Variants in TENM1 observed in about 807,000 individuals in gnomAD.
The protein encoded by TENM1 is teneurin transmembrane protein 1, also known as teneurin-1.
In TENM1, 35 loss-of-function variants were observed where a neutral mutation model predicts 174.8. The observed-to-expected ratio is 0.20, with a 90% confidence interval of 0.15 to 0.27. The LOEUF (loss-of-function observed/expected upper bound fraction) is 0.27. TENM1 is among the 10% of genes least tolerant of loss of function. The pLI is 1.00. For synonymous variants in TENM1, 781 were observed against 798.7 expected (o/e 0.98, Z 0.37); for missense variants, 1,633 against 2,130.1 (o/e 0.77, Z 4.59).
At chrX:125,057,441 AG>A in the TENM1 span, among the ~76,000 whole-genome samples, 1 of 111,527 alleles carries the variant, frequency 9.0e-6, no homozygotes, top group African/African-American at 3.3e-5. Context: ...ATATGAAAAT[AG>A]AAATGAGTGA....
chrX:124,841,466 C>A (rs2056498385), intron 3 of TENM1, among the ~76,000 whole-genome samples: 1 of 110,925 alleles, frequency 9.0e-6, no homozygotes, highest in African/African-American at 3.3e-5. Flanking sequence ...AAAAAGTGGA[C>A]AAAACAAGGC....
At chrX:125,046,891 G>A in the TENM1 span, among the ~76,000 whole-genome samples, 1 of 106,587 alleles carries the variant, frequency 9.4e-6, no homozygotes, top group Non-Finnish European at 1.9e-5. Context: ...TGTGTGTTTT[G>A]GGGGTTGGGG....
intron 11 of TENM1, among the ~76,000 whole-genome samples, chrX:124,578,108 T>A (rs763588322): frequency 1.2e-4 from 13 of 106,603 alleles, no homozygotes; most frequent in South Asian, 4.4e-4. Context: ...AAAAATTTTC[T>A]GTAGAGATTG....
chrX:124,901,309 T>C (rs1603268237), intron 1 of TENM1, among the ~76,000 whole-genome samples: 1 of 103,809 alleles, frequency 9.6e-6, no homozygotes, highest in Non-Finnish European at 1.9e-5. Flanking sequence ...AAATTAATAA[T>C]TTTTTTTTAA....
At chrX:124,448,065 C>T (rs2147829097) in intron 23 of TENM1, among the ~76,000 whole-genome samples, 1 of 111,701 alleles carries the variant, frequency 9.0e-6, no homozygotes, top group Admixed American at 9.5e-5. Flanking sequence ...ATTCCCTGTA[C>T]CAGTGAATGG....
At chrX:124,690,990 CATATAT>C (rs745999859) in intron 5 of TENM1, among the ~76,000 whole-genome samples, 1 of 108,473 alleles carries the variant, frequency 9.2e-6, no homozygotes, top group African/African-American at 3.3e-5. Flanking sequence ...AGCACAAGCT[CATATAT>C]ATATATATAT....
Position 124,809,843 on chromosome X carries a change from G to GGGGAGAGAGAGA in TENM1, c.536-72647_536-72646insTCTCTCTCTCCC, listed in dbSNP as rs1556343852. Among the ~76,000 whole-genome samples, 85 of 78,668 alleles carry GGGGAGAGAGAGA rather than the reference G, an allele frequency of 1.1e-3. 1 individual carries two copies. The highest frequency in any genetic ancestry group is 4.2e-3 in the African/African-American group (83 of 19,845). The allele number at this position is 78,668 out of a possible 115,157, so 68.3% of individuals were successfully genotyped here. A position where few individuals can be genotyped will look rare whatever the true frequency, so the allele number is the denominator to read the frequency against. ...GCAAGGCATATCTTACATGACAGCA[G>GGGGAGAGAGAGA]GAGAGAGAGAGAGAGAGAGAGAGAG... On this transcript the variant is annotated intron_variant, in intron 3 of 31. Transcript: ENST00000422452.
chrX:124,503,558 A>G lies in TENM1; in HGVS notation c.3445+2T>C. Reference sequence around the variant, plus strand: ...TTCATACAAATTTAAAAAGCTACTTACCACTTTGAGGATTCAAAATGTGAT... The same window carrying G: ...TTCATACAAATTTAAAAAGCTACTTGCCACTTTGAGGATTCAAAATGTGAT... On this transcript the variant is annotated splice_donor_variant, in intron 19 of 31. Coordinates refer to ENST00000422452, the Ensembl canonical transcript of TENM1. LOFTEE classifies it high-confidence loss of function. 1 of 1,201,023 alleles carries G rather than the reference A, an allele frequency of 8.3e-7. No homozygotes were observed. Among genetic ancestry groups the G allele is most frequent in the Non-Finnish European group, 1.1e-6 (1 of 890,391 alleles).
At chrX:124,752,995 T>G (rs2054121790) in intron 3 of TENM1, among the ~76,000 whole-genome samples, 1 of 111,303 alleles carries the variant, frequency 9.0e-6, no homozygotes, top group Non-Finnish European at 1.9e-5. Flanking sequence ...TGGTTCCATA[T>G]GAACGTTAGT....
At chrX:125,159,190 A>T in the TENM1 span, among the ~76,000 whole-genome samples, 1 of 112,050 alleles carries the variant, frequency 8.9e-6, no homozygotes, top group Non-Finnish European at 1.9e-5. Context: ...ACAAGAAAAA[A>T]GCTGTAGACT....
chrX:124,746,471 A>C, intron 3 of TENM1, among the ~76,000 whole-genome samples: 1 of 111,690 alleles, frequency 9.0e-6, no homozygotes, highest in Non-Finnish European at 1.9e-5. Context: ...TATCTTATAA[A>C]CTTTGCTTAT....
intron 11 of TENM1, among the ~76,000 whole-genome samples, chrX:124,623,520 C>A (rs1464800093): frequency 1.8e-5 from 2 of 111,386 alleles, no homozygotes; most frequent in African/African-American, 6.5e-5. Context: ...CTAAGAATTA[C>A]TTTACTAACC....
intron 1 of TENM1, among the ~76,000 whole-genome samples, chrX:124,911,977 T>C (rs997603855): frequency 7.1e-5 from 8 of 112,065 alleles, no homozygotes; most frequent in Non-Finnish European, 1.5e-4. Flanking sequence ...GTAGCAAGCA[T>C]TGTTCCAGGT....
the TENM1 span, among the ~76,000 whole-genome samples, chrX:125,109,258 A>G: frequency 0.08 from 8,968 of 112,117 alleles, 878 homozygotes; most frequent in African/African-American, 0.28. Context: ...AATTAGATAA[A>G]AACATTTGTC....
chrX:124,976,521 G>A, the TENM1 span, among the ~76,000 whole-genome samples: 1 of 112,014 alleles, frequency 8.9e-6, no homozygotes, highest in South Asian at 3.7e-4. Context: ...AGATCCTACA[G>A]AGCATCTGAA....
At chrX:124,509,740 G>T (rs1358764737) in intron 18 of TENM1, among the ~76,000 whole-genome samples, 13 of 64,701 alleles carry the variant, frequency 2.0e-4, no homozygotes, top group African/African-American at 5.9e-4. Flanking sequence ...TTTTTTTTTA[G>T]ACAGAGTTTC....
intron 14 of TENM1, among the ~76,000 whole-genome samples, chrX:124,558,939 C>T (rs1021461155): frequency 1.3e-4 from 14 of 111,569 alleles, no homozygotes; most frequent in African/African-American, 4.2e-4. Flanking sequence ...GGTCAATACA[C>T]GTTCAGTGAA....
chrX:124,957,890 A>C (rs1301692484), intron 1 of TENM1, among the ~76,000 whole-genome samples: 1 of 111,660 alleles, frequency 9.0e-6, no homozygotes, highest in African/African-American at 3.3e-5. Context: ...ATATTCAAAA[A>C]CTAATCTTAT....
chrX:124,744,264 T>C (rs1469572827), intron 3 of TENM1, among the ~76,000 whole-genome samples: 5 of 111,937 alleles, frequency 4.5e-5, no homozygotes, highest in Non-Finnish European at 9.4e-5. Context: ...AAGATGGATA[T>C]AACTCTGCTA....
Sources: allele counts gnomAD v4.1 joint callset (sites outside exome capture counted in the v4.1 genomes callset), GRCh38; gene constraint gnomAD v4.1.1; transcripts MANE v1.5; gene names NCBI Gene and HGNC (gene_info 2026-07-23, HGNC 2026-07-21).